LAMC3: variants seen among roughly 807,000 people sequenced by gnomAD.
LAMC3 encodes the protein laminin subunit gamma-3.
A neutral mutation model predicts 173.8 loss-of-function variants in LAMC3; 128 were observed. The ratio of observed to expected loss-of-function variants is 0.74; its 90% confidence interval spans 0.64 to 0.85. The LOEUF (loss-of-function observed/expected upper bound fraction) is 0.85. LAMC3 is among the 40% of genes least tolerant of loss of function. LAMC3 has a pLI of 0.00. For synonymous variants in LAMC3, 897 were observed against 909.1 expected (o/e 0.99, Z 0.24); for missense variants, 2,022 against 2,156.0 (o/e 0.94, Z 1.23).
rs45628035 is a variant in LAMC3, at chr9:131,026,365, C to A, written c.454C>A (p.Arg152Ser). 6.2e-7 allele frequency: 1 copy of A among 1,614,046 alleles called. No individual in the cohort carries two copies. The highest frequency in any genetic ancestry group is 1.3e-5 in the African/African-American group (1 of 74,946). Residue 152 changes from arginine (R) to serine (S), a missense_variant, in exon 2 of 28, where the codon CGC (arginine) becomes AGC (serine). Physicochemically the swap from Arg to Ser is moderately radical, Grantham distance 110. Transcript: ENST00000361069. This position sits in a 1 kb window ranked among gnomAD's most constrained non-coding sequence, Gnocchi z 4.8. ...GAGCTTTGCCATCTACAAGCGCAGC[C>A]GCGCCGACGGCCCATGGGAGCCCTA... The part of the protein sequence containing the change: ...PESFAIYKRS[R>S]ADGPWEPYQF...
chr9:131,090,050 G>A (rs1047633126), intron 27 of LAMC3, among the ~76,000 whole-genome samples: 6 of 152,166 alleles, frequency 3.9e-5, no homozygotes, highest in African/African-American at 1.4e-4. Flanking sequence ...TCCCACCTCA[G>A]GTTCCCAAAA....
chr9:131,027,711 C>T (rs569898506), intron 2 of LAMC3, among the ~76,000 whole-genome samples: 13 of 152,302 alleles, frequency 8.5e-5, no homozygotes, highest in Non-Finnish European at 1.6e-4. Context: ...TGTGGGGTAG[C>T]GGGAACACAC....
rs2133353618 is a variant in LAMC3 at position 131,088,188 on chromosome 9, C to A, written c.4477+371C>A. ...TGAGGGTTCAGGAGAAGAAGAAAGA[C>A]TGTCACGGCAGAAAGTGTCATCAGG... On this transcript the variant is annotated intron_variant, in intron 27 of 27. Transcript: ENST00000361069. Among the ~76,000 whole-genome samples, 2 of 152,282 alleles carry A rather than the reference C, an allele frequency of 1.3e-5. 1 individual carries two copies. The highest frequency in any genetic ancestry group is 4.1e-4 in the South Asian group (2 of 4,824).
chr9:131,089,192 G>C (rs1408339631), intron 27 of LAMC3, among the ~76,000 whole-genome samples: 1 of 108,318 alleles, frequency 9.2e-6, no homozygotes, highest in African/African-American at 3.6e-5. Context: ...GGGGGAGGGG[G>C]GAGGGATAGC....
rs1588166034 is a variant in LAMC3, at chr9:131,075,841, A to G, written c.3505A>G (p.Thr1169Ala). ...GGTGTCCTCACACAGCCACAGAGAC[A>G]CCGCCACCAAGATCGCAGCCACTGC... ...ARALARSHRD[T>A]ATKIAATAWR... The change falls in exon 21 of 28, where the codon ACC (threonine) becomes GCC (alanine). Residue 1169 changes from threonine (T) to alanine (A), a missense_variant. Physicochemically the swap from Thr to Ala is moderately conservative, Grantham distance 58 (BLOSUM62 0). Transcript: ENST00000361069. 2 of 1,611,444 alleles carry G rather than the reference A, an allele frequency of 1.2e-6. No homozygotes were observed. The highest frequency in any genetic ancestry group is 1.7e-6 in the Non-Finnish European group (2 of 1,179,218).
chr9:131,079,495 C>G (rs529152739), intron 23 of LAMC3, among the ~76,000 whole-genome samples, 197 bp downstream of exon 23: 1 of 152,082 alleles, frequency 6.6e-6, no homozygotes, highest in South Asian at 2.1e-4. Flanking sequence ...GAGATTGAGA[C>G]CATCCTGGCT....
Position 131,068,097 on chromosome 9 carries a change from G to A in LAMC3, c.2613G>A (p.Gln871=), listed in dbSNP as rs901772022. ...CCCCAGCTTGCAGCTGTCACCCACA[G>A]GGCTCGGTCAGTGAGCAGATGCCCT... ...DKCMPCSCHP[Q]GSVSEQMPCD... The change falls in exon 15 of 28, where the codon CAG becomes CAA. Residue 871 remains glutamine (Q), a synonymous_variant. Coordinates refer to ENST00000361069, the MANE Select transcript of LAMC3 (RefSeq NM_006059.4). 10 of 1,611,816 alleles carry A rather than the reference G, an allele frequency of 6.2e-6. No individual in the cohort carries two copies. The Middle Eastern group carries it at 4.9e-4, about 79-fold the overall frequency.
rs754712304 is a variant in LAMC3 at position 131,045,673 on chromosome 9, C to T, written c.1519+13C>T. ...GATTTCCACCAGGGTAAGAGATGCT[C>T]CCTGCAAACGCCTCCCAAGGGTCTG... On this transcript the variant is annotated intron_variant, in intron 8 of 27. Coordinates refer to ENST00000361069, the MANE Select transcript of LAMC3 (RefSeq NM_006059.4). 6.8e-6 allele frequency: 11 copies of T among 1,613,972 alleles called. No individual in the cohort carries two copies. Among genetic ancestry groups the T allele is most frequent in the South Asian group, 5.5e-5 (5 of 91,086 alleles).
intron 3 of LAMC3, among the ~76,000 whole-genome samples, chr9:131,032,424 G>A (rs1833841752): frequency 6.6e-6 from 1 of 150,474 alleles, no homozygotes; most frequent in Non-Finnish European, 1.5e-5. Context: ...CCTCAGCCTG[G>A]AGGTTCCTTC....
intron 3 of LAMC3, among the ~76,000 whole-genome samples, chr9:131,032,411 TC>T (rs1353970816): frequency 2.0e-5 from 3 of 151,984 alleles, no homozygotes; most frequent in Non-Finnish European, 2.9e-5. Context: ...GTTCCCATTG[TC>T]CCCTCAGCCT....
At chr9:131,054,681 G>A (rs1296400798) in intron 11 of LAMC3, among the ~76,000 whole-genome samples, 8 of 151,994 alleles carry the variant, frequency 5.3e-5, no homozygotes, top group Admixed American at 3.9e-4. Flanking sequence ...GGAGGCGGAG[G>A]TTGCAGTTAG....
intron 1 of LAMC3, among the ~76,000 whole-genome samples, chr9:131,013,760 G>A (rs1588134864): frequency 1.3e-5 from 2 of 152,178 alleles, no homozygotes; most frequent in African/African-American, 4.8e-5. Context: ...GATGGCCTGA[G>A]TGCAGACACC....
At chr9:131,064,584 A>AC (rs1205198294) in intron 13 of LAMC3, among the ~76,000 whole-genome samples, 5 of 149,456 alleles carry the variant, frequency 3.3e-5, no homozygotes, top group Non-Finnish European at 7.4e-5. Context: ...AATGGCGTGA[A>AC]CCCCGGGGGG....
rs1833893810 is a variant in LAMC3 at position 131,033,804 on chromosome 9, CATGGGA to C, written c.809+1630_809+1635del. ...GCAGCTCTGTGTGTGAACCATGGGCCATGGGAGTGGGGAGCGGGGATGACACTGGAC... is the reference window on the plus strand; with the variant it reads ...GCAGCTCTGTGTGTGAACCATGGGCCGTGGGGAGCGGGGATGACACTGGAC... On this transcript the variant is annotated intron_variant, in intron 3 of 27. Coordinates refer to ENST00000361069, the MANE Select transcript of LAMC3 (RefSeq NM_006059.4). Among the ~76,000 whole-genome samples the C allele has an allele frequency of 2.0e-5, 3 of 151,928 alleles. No individual in the cohort carries two copies. The South Asian group carries it at 6.2e-4, about 32-fold the overall frequency.
chr9:131,058,669 G>A (rs1387519658), intron 12 of LAMC3, among the ~76,000 whole-genome samples: 5 of 151,430 alleles, frequency 3.3e-5, no homozygotes, highest in Non-Finnish European at 5.9e-5. Flanking sequence ...TGAGGTGGGC[G>A]GATCACCTGA....
In LAMC3 at chr9:131,030,517, A is replaced by T. The variant is rs1236294787; in HGVS notation, c.679-1528A>T. On this transcript the variant is annotated intron_variant, in intron 2 of 27. Coordinates refer to ENST00000361069, the MANE Select transcript of LAMC3 (RefSeq NM_006059.4). ...GTTAAAGCTGGGACCCTGGGATCAG[A>T]TAGACCAGAATCCCAGCTCTGCCAT... 2.0e-5 allele frequency among the ~76,000 whole-genome samples: 3 copies of T among 152,316 alleles called. No individual in the cohort carries two copies. The East Asian group carries it at 5.8e-4, about 29-fold the overall frequency.
Position 131,071,548 on chromosome 9 carries a change from G to C in LAMC3, c.3134G>C (p.Ser1045Thr), listed in dbSNP as rs1830036402. ...TGGCTCCAAGGGTCCGACTGTGGCA[G>C]TCCCTGGGGACCACTAGACATTCTG... ...EGWLQGSDCG[S>T]PWGPLDILLG... Residue 1045 changes from serine to threonine, a missense_variant, in exon 18 of 28, where the codon AGT becomes ACT. Coordinates refer to ENST00000361069, the MANE Select transcript of LAMC3 (RefSeq NM_006059.4). 1 of 1,613,520 alleles carries C rather than the reference G, an allele frequency of 6.2e-7. No individual in the cohort carries two copies.
At chr9:131,050,319 G>A (rs931142750) in intron 9 of LAMC3, among the ~76,000 whole-genome samples, 2 of 152,198 alleles carry the variant, frequency 1.3e-5, no homozygotes, top group Non-Finnish European at 2.9e-5. Flanking sequence ...GCTTCTGCCT[G>A]TTGCTTACGG....
At chr9:131,087,385 C>T in intron 25 of LAMC3, 91 bp from the exon 26 acceptor site, 1 of 1,479,936 alleles carries the variant, frequency 6.8e-7, no homozygotes, top group Non-Finnish European at 9.4e-7. Context: ...GTACAGACAA[C>T]TGCTTGGCAT....
Sources: gnomAD v4.1 joint callset for allele counts (sites outside exome capture counted in the v4.1 genomes callset) on GRCh38, gnomAD v4.1.1 for gene constraint, Gnocchi (gnomAD v3.1) non-coding constraint, MANE v1.5 for transcripts, NCBI Gene and HGNC (gene_info 2026-07-23, HGNC 2026-07-21) for gene names.